The following PIBF1 variants were observed in gnomAD, a reference collection of about 807,000 sequenced individuals.
PIBF1 encodes the protein progesterone immunomodulatory binding factor 1.
Under a neutral mutation model 112.5 loss-of-function variants are expected in PIBF1, and 90 were observed. The ratio of observed to expected loss-of-function variants is 0.80; its 90% CI spans 0.67 to 0.95. PIBF1 has a LOEUF of 0.95. Ranked by LOEUF, PIBF1 falls within the 40% of genes least tolerant of loss-of-function variation. PIBF1 has a pLI of 0.00. For synonymous variants in PIBF1, 301 were observed against 288.6 expected (o/e 1.04, Z -0.44); for missense variants, 915 against 852.3 (o/e 1.07, Z -0.92).
At position 73,008,165 on chromosome 13, in the gene PIBF1, T is replaced by A. The variant is rs138663930; in HGVS notation, c.2224-7704T>A. ...AACAGAGAACCTGAATTTCAGAGAA[T>A]AATATAACCGAAGGAAAAAGTTCAC... On this transcript the variant is annotated intron_variant, in intron 17 of 17. Coordinates refer to ENST00000326291, the MANE Select transcript of PIBF1 (RefSeq NM_006346.4). 7.7e-3 allele frequency among the ~76,000 whole-genome samples: 1,167 copies of A among 152,274 alleles called. 12 individuals carry two copies. Among genetic ancestry groups the A allele is most frequent in the African/African-American group, 0.026 (1,081 of 41,550 alleles).
Position 72,965,358 on chromosome 13 carries a change from A to T in PIBF1, c.1918A>T (p.Ile640Phe), listed in dbSNP as rs911707459. The change falls in exon 15 of 18, where the codon ATT becomes TTT. Residue 640 changes from isoleucine (I) to phenylalanine (F), a missense_variant. Coordinates refer to ENST00000326291, the MANE Select transcript of PIBF1 (RefSeq NM_006346.4). ...ATCAGTGCGTCAGAGAGATTCTAAG[A>T]TTGATTCACTGACGGAATCTATTGC... ...IESVRQRDSK[I>F]DSLTESIAQL... 8.1e-6 allele frequency: 13 copies of T among 1,611,506 alleles called. No homozygotes were observed. Among genetic ancestry groups the T allele is most frequent in the Non-Finnish European group, 1.0e-5 (12 of 1,178,412 alleles).
chr13:72,843,356 A>G (rs564067766), intron 9 of PIBF1, among the ~76,000 whole-genome samples: 4 of 152,184 alleles, frequency 2.6e-5, no homozygotes, highest in Non-Finnish European at 4.4e-5. Context: ...AACGACCCCA[A>G]CTTTTCTACC....
intron 16 of PIBF1, among the ~76,000 whole-genome samples, chr13:72,990,390 G>A (rs1365454989): frequency 6.6e-6 from 1 of 150,500 alleles, no homozygotes; most frequent in African/African-American, 2.4e-5. Context: ...GTATGGTGGT[G>A]TGCACCTGTA....
At chr13:72,828,709 T>C (rs2036951510) in intron 8 of PIBF1, among the ~76,000 whole-genome samples, 1 of 152,212 alleles carries the variant, frequency 6.6e-6, no homozygotes, top group African/African-American at 2.4e-5. Flanking sequence ...CGGTTCCAAG[T>C]CTTTGCTATT....
At chr13:72,918,886 T>C (rs2041196018) in intron 13 of PIBF1, among the ~76,000 whole-genome samples, 1 of 151,820 alleles carries the variant, frequency 6.6e-6, no homozygotes, top group Non-Finnish European at 1.5e-5. Context: ...GTATTTTTAA[T>C]AGCGACAGGG....
intron 2 of PIBF1, 84 bp downstream of exon 2, chr13:72,783,805 C>T: frequency 8.4e-7 from 1 of 1,189,004 alleles, no homozygotes. Flanking sequence ...CACACATTAT[C>T]TGAACTTGAA....
rs552438757 is a variant in PIBF1, at chr13:72,793,323, T to A, written c.353+776T>A. On this transcript the variant is annotated intron_variant, in intron 3 of 17. Transcript: ENST00000326291. ...TTTCCCTTTTTAAGATTTTACTACTTAACTGATATTGTAAAAAATTATCGG... is the reference window on the plus strand; with the variant it reads ...TTTCCCTTTTTAAGATTTTACTACTAAACTGATATTGTAAAAAATTATCGG... Among the ~76,000 whole-genome samples the A allele has an allele frequency of 2.6e-4, 39 of 152,334 alleles. No homozygotes were observed. In the South Asian group the frequency reaches 7.9e-3, roughly 31 times the overall value.
intron 6 of PIBF1, among the ~76,000 whole-genome samples, chr13:72,823,316 G>A (rs78211152): frequency 0.12 from 18,089 of 152,032 alleles, 1,441 homozygotes; most frequent in Non-Finnish European, 0.17. Flanking sequence ...CTGAATTTGG[G>A]TGATGGGAGC....
At chr13:72,879,711 C>T (rs189985400) in intron 10 of PIBF1, among the ~76,000 whole-genome samples, 8 of 152,136 alleles carry the variant, frequency 5.3e-5, no homozygotes, top group Admixed American at 2.6e-4. Context: ...AAACTATGGC[C>T]GATAGGCCAA....
chr13:72,972,618 C>T (rs532317758), intron 15 of PIBF1, among the ~76,000 whole-genome samples: 1 of 151,566 alleles, frequency 6.6e-6, no homozygotes, highest in African/African-American at 2.4e-5. Context: ...GAGCCGAGAT[C>T]GCGCCACTGC....
rs375390208 is a variant in PIBF1, at chr13:72,827,065, C to A, written c.862C>A (p.Leu288Ile). The A allele has an allele frequency of 2.8e-5, 45 of 1,605,350 alleles. No individual in the cohort carries two copies. The highest frequency in any genetic ancestry group is 1.5e-5 in the Non-Finnish European group (18 of 1,175,696). ...VIELRRKHEI[L>I]EASHMIQTKE... ...TGAGCTTAGGAGAAAACATGAAATA[C>A]TTGAAGCCTCTCACATGATTCAAAC... Residue 288 changes from leucine (L) to isoleucine (I), a missense_variant, in exon 7 of 18, where the codon CTT becomes ATT. Leu to Ile is a conservative substitution (Grantham distance 5). Coordinates refer to ENST00000326291, the MANE Select transcript of PIBF1 (RefSeq NM_006346.4).
At chr13:72,811,817 C>T (rs1365001695) in intron 5 of PIBF1, among the ~76,000 whole-genome samples, 1 of 151,878 alleles carries the variant, frequency 6.6e-6, no homozygotes, top group Non-Finnish European at 1.5e-5. Context: ...ACAAATAATA[C>T]AAATGGCTTA....
At chr13:72,800,070 C>A (rs1275816715) in intron 5 of PIBF1, among the ~76,000 whole-genome samples, 1 of 152,238 alleles carries the variant, frequency 6.6e-6, no homozygotes, top group African/African-American at 2.4e-5. Context: ...GAGCCTTGCT[C>A]AGTCGCCCCA....
At chr13:73,004,947 G>A (rs946838404) in intron 17 of PIBF1, among the ~76,000 whole-genome samples, 1 of 152,204 alleles carries the variant, frequency 6.6e-6, no homozygotes, top group African/African-American at 2.4e-5. Flanking sequence ...CACTTTGGGA[G>A]GCCAAGGTGT....
chr13:72,829,865 T>C (rs1178731949), intron 8 of PIBF1, among the ~76,000 whole-genome samples: 1 of 152,226 alleles, frequency 6.6e-6, no homozygotes, highest in Non-Finnish European at 1.5e-5. Flanking sequence ...TAAATTACTT[T>C]GGGCAGTATG....
chr13:72,960,303 C>T (rs932284979), intron 14 of PIBF1, among the ~76,000 whole-genome samples: 1 of 152,064 alleles, frequency 6.6e-6, no homozygotes. Context: ...CCTGGCGACT[C>T]AAGAGGCTGA....
intron 1 of PIBF1, among the ~76,000 whole-genome samples, chr13:72,782,875 CG>C (rs2034357809): frequency 6.8e-6 from 1 of 147,360 alleles, no homozygotes; most frequent in Non-Finnish European, 1.5e-5. Context: ...TCGTTAAGGG[CG>C]TGTGTGTGTG....
intron 2 of PIBF1, among the ~76,000 whole-genome samples, chr13:72,790,682 G>A (rs1314740832): frequency 6.6e-6 from 1 of 152,066 alleles, no homozygotes; most frequent in Non-Finnish European, 1.5e-5. Context: ...GAAAGCTTAA[G>A]AGTATTTAGT....
chr13:72,953,559 C>T lies in PIBF1; in HGVS notation c.1834-11715C>T, dbSNP rs1318195926. ...TCTGATGGGGGTAGGAGAGGAGTGACGTAGACTCTGAGATTTCCTTAGTTA... is the reference window on the plus strand; with the variant it reads ...TCTGATGGGGGTAGGAGAGGAGTGATGTAGACTCTGAGATTTCCTTAGTTA... On this transcript the variant is annotated intron_variant, in intron 14 of 17. Coordinates refer to ENST00000326291, the MANE Select transcript of PIBF1 (RefSeq NM_006346.4). Among the ~76,000 whole-genome samples the T allele has an allele frequency of 2.6e-5, 4 of 152,148 alleles. No homozygotes were observed. The South Asian group carries it at 8.3e-4, about 31-fold the overall frequency.
Sources: allele counts gnomAD v4.1 joint callset (sites outside exome capture counted in the v4.1 genomes callset), GRCh38; gene constraint gnomAD v4.1.1; transcripts MANE v1.5; gene names NCBI Gene and HGNC (gene_info 2026-07-23, HGNC 2026-07-21).